Variants in STK4 observed in about 807,000 individuals in gnomAD.
The protein encoded by STK4 is serine/threonine-protein kinase 4.
Under a neutral mutation model 64.9 loss-of-function variants are expected in STK4, and 30 were observed. The observed-to-expected ratio is 0.46, with a 90% CI of 0.35 to 0.63. STK4 has a LOEUF of 0.63. Ranked by LOEUF, STK4 falls within the 20% of genes least tolerant of loss-of-function variation. STK4 has a pLI of 0.01. For missense variants in STK4, 466 were observed against 598.5 expected, an observed-to-expected ratio of 0.78 and a Z score of 2.31; for synonymous variants, 177 against 199.0, an observed-to-expected ratio of 0.89 and a Z score of 0.93.
chr20:45,026,594 C>G (rs1194512819), intron 10 of STK4, among the ~76,000 whole-genome samples: 2 of 152,024 alleles, frequency 1.3e-5, no homozygotes, highest in Admixed American at 1.3e-4. Context: ...CGAGATAATG[C>G]AGGGCTTTTT....
chr20:45,065,546 G>C (rs1430337910), intron 10 of STK4, among the ~76,000 whole-genome samples: 2 of 152,100 alleles, frequency 1.3e-5, no homozygotes, highest in Non-Finnish European at 2.9e-5. Context: ...TTCTGGAATA[G>C]TTTCAGTAGG....
intron 10 of STK4, among the ~76,000 whole-genome samples, chr20:45,072,814 C>G (rs1321599279): frequency 6.6e-6 from 1 of 152,092 alleles, no homozygotes; most frequent in Non-Finnish European, 1.5e-5. Context: ...AGAGACTTAC[C>G]AATCATATGT....
At chr20:44,973,431 A>G (rs2067285873) in intron 2 of STK4, 1 of 152,208 alleles carries the variant, frequency 6.6e-6, no homozygotes, top group Admixed American at 6.5e-5. Flanking sequence ...GGCATCATTA[A>G]AGGTATGGGG....
At chr20:45,018,203 G>A (rs989278435) in intron 9 of STK4, among the ~76,000 whole-genome samples, 18 of 148,752 alleles carry the variant, frequency 1.2e-4, no homozygotes, top group African/African-American at 4.1e-4. Context: ...GATTACCAGA[G>A]TTGTTGTTGT....
intron 4 of STK4, among the ~76,000 whole-genome samples, chr20:44,986,895 T>C (rs1279187095): frequency 1.3e-5 from 2 of 152,192 alleles, no homozygotes; most frequent in Non-Finnish European, 2.9e-5. Context: ...CATGTTATGC[T>C]TATGATGCTG....
intron 10 of STK4, among the ~76,000 whole-genome samples, chr20:45,027,011 T>C (rs762512233): frequency 6.6e-6 from 1 of 152,224 alleles, no homozygotes; most frequent in African/African-American, 2.4e-5. Flanking sequence ...GTTTAGCCAG[T>C]CTTCAGGCAA....
rs1048275236 is a variant in STK4 at position 45,025,020 on chromosome 20, T to C, written c.1195T>C (p.Phe399Leu). The C allele has an allele frequency of 1.9e-6, 3 of 1,613,568 alleles. No homozygotes were observed. The highest frequency in any genetic ancestry group is 1.3e-5 in the African/African-American group (1 of 75,048). ...TGCGAAACCATCCTTTCTTGAATAT[T>C]TTGAACAAAAAGAAAAGGAAAACCA... Reference protein sequence around the residue: ...QPAKPSFLEYFEQKEKENQIN... With the variant: ...QPAKPSFLEYLEQKEKENQIN... The change falls in exon 10 of 11, where the codon TTT becomes CTT. Residue 399 changes from phenylalanine (F) to leucine (L), a missense_variant. Around this residue, in one of 2 missense-constraint regions of STK4, gnomAD observed 276 missense variants for 308.9 expected, o/e 0.89. Transcript: ENST00000372806.
At chr20:45,060,892 C>T (rs2145459709) in intron 10 of STK4, among the ~76,000 whole-genome samples, 1 of 152,264 alleles carries the variant, frequency 6.6e-6, no homozygotes, top group Non-Finnish European at 1.5e-5. Context: ...TTTTTTGTCC[C>T]ATACCCACTC....
At chr20:45,049,503 T>C (rs1483615173) in intron 10 of STK4, among the ~76,000 whole-genome samples, 2 of 152,196 alleles carry the variant, frequency 1.3e-5, no homozygotes, top group Admixed American at 1.3e-4. Flanking sequence ...AATTATAAAC[T>C]ACAACTATTC....
chr20:45,022,403 T>G (rs1183771418), intron 9 of STK4, among the ~76,000 whole-genome samples: 2 of 152,212 alleles, frequency 1.3e-5, no homozygotes, highest in African/African-American at 4.8e-5. Context: ...TTTTCATTGT[T>G]GAAAGAGACA....
At chr20:45,038,568 AT>A (rs1254463746) in intron 10 of STK4, among the ~76,000 whole-genome samples, 2 of 152,036 alleles carry the variant, frequency 1.3e-5, no homozygotes, top group African/African-American at 4.8e-5. Context: ...CCCAGTTGTT[AT>A]CCCATATAGT....
intron 10 of STK4, among the ~76,000 whole-genome samples, chr20:45,044,924 A>G (rs1180140377): frequency 1.3e-5 from 2 of 151,872 alleles, no homozygotes; most frequent in Admixed American, 6.6e-5. Context: ...TGAAATATAC[A>G]TTGGGTTATT....
chr20:45,038,877 G>A (rs2068568819), intron 10 of STK4, among the ~76,000 whole-genome samples: 2 of 151,692 alleles, frequency 1.3e-5, no homozygotes, highest in South Asian at 4.2e-4. Context: ...AAACAAATGA[G>A]TAAGAAAAAT....
At chr20:44,997,044 G>A in intron 6 of STK4, 125 bp from the exon 7 acceptor site, 1 of 1,359,856 alleles carries the variant, frequency 7.4e-7, no homozygotes, top group South Asian at 1.3e-5. Context: ...GAATTTGGGT[G>A]AGCTTCTCAG....
rs1297703556 is a variant in STK4 at position 45,077,695 on chromosome 20, T to C, written c.*2519T>C. 1 of 152,182 alleles carries C rather than the reference T, an allele frequency of 6.6e-6. No individual in the cohort carries two copies. The highest frequency in any genetic ancestry group is 2.4e-5 in the African/African-American group (1 of 41,444). 9.4% of individuals were successfully genotyped at this position (152,182 alleles called of 1,614,324 possible). A position where few individuals can be genotyped will look rare whatever the true frequency, so the allele number is the denominator to read the frequency against. Reference sequence around the variant, plus strand: ...AGCCACCGCTCCTGGCCTCTCTTTCTTTTTTAAACAAAGAACTTTGCACTT... The same window carrying C: ...AGCCACCGCTCCTGGCCTCTCTTTCCTTTTTAAACAAAGAACTTTGCACTT... On this transcript the variant is annotated 3_prime_UTR_variant, in exon 11 of 11. Coordinates refer to ENST00000372806, the MANE Select transcript of STK4 (RefSeq NM_006282.5).
Position 44,978,556 on chromosome 20 carries a change from T to A in STK4, c.230T>A (p.Met77Lys). 1 of 1,614,006 alleles carries A rather than the reference T, an allele frequency of 6.2e-7. No homozygotes were observed. The highest frequency in any genetic ancestry group is 8.5e-7 in the Non-Finnish European group (1 of 1,179,966). Residue 77 changes from methionine (M) to lysine (K), a missense_variant, in exon 3 of 11, where the codon ATG becomes AAG. Physicochemically the swap from Met to Lys is moderately conservative, Grantham distance 95. This residue lies in a region of STK4 where 190 missense variants were observed against 289.7 expected (regional missense o/e 0.66). Coordinates refer to ENST00000372806, the MANE Select transcript of STK4 (RefSeq NM_006282.5). ...LQEIIKEISI[M>K]QQCDSPHVVK... ...GAGATAATCAAAGAAATCTCTATAATGCAGCAATGTGACAGGTAAAGGCAT... is the reference window on the plus strand; with the variant it reads ...GAGATAATCAAAGAAATCTCTATAAAGCAGCAATGTGACAGGTAAAGGCAT...
At chr20:44,977,725 C>T (rs531919638) in intron 2 of STK4, among the ~76,000 whole-genome samples, 2 of 152,192 alleles carry the variant, frequency 1.3e-5, no homozygotes, top group African/African-American at 4.8e-5. Context: ...GATACACAAA[C>T]TTTATTTTGA....
chr20:45,019,859 G>T (rs556817181), intron 9 of STK4, among the ~76,000 whole-genome samples: 2 of 152,312 alleles, frequency 1.3e-5, no homozygotes, highest in South Asian at 4.1e-4. Flanking sequence ...AGCTTGGAAT[G>T]ATTCTCTTAC....
chr20:45,002,226 A>C (rs1019957684), intron 9 of STK4, among the ~76,000 whole-genome samples: 10 of 152,232 alleles, frequency 6.6e-5, no homozygotes, highest in Non-Finnish European at 2.9e-5. Flanking sequence ...TGTGTAATAC[A>C]ACTAGGCCAA....
Sources: allele counts gnomAD v4.1 joint callset (sites outside exome capture counted in the v4.1 genomes callset), GRCh38; gene constraint gnomAD v4.1.1; regional missense constraint gnomAD v4.1.1; transcripts MANE v1.5; gene names NCBI Gene and HGNC (gene_info 2026-07-23, HGNC 2026-07-21).